The following QRFPR variants were observed in gnomAD, a reference collection of about 807,000 sequenced individuals.
QRFPR encodes the protein pyroglutamylated RF-amide peptide receptor.
QRFPR carries 37 observed loss-of-function variants against 31.3 expected under a neutral mutation model. That is an observed-to-expected ratio of 1.18 (90% CI 0.91 to 1.56). QRFPR has a LOEUF of 1.56. QRFPR is among the 40% of genes most tolerant of loss of function. The pLI, the probability that QRFPR is intolerant of heterozygous loss-of-function variation, is 0.00. For missense variants in QRFPR, 542 were observed against 532.5 expected, an observed-to-expected ratio of 1.02 and a Z score of -0.18; for synonymous variants, 197 against 192.0, an observed-to-expected ratio of 1.03 and a Z score of -0.22.
At chr4:121,348,748 C>A (rs17437630) in intron 1 of QRFPR, among the ~76,000 whole-genome samples, 27,421 of 152,106 alleles carry the variant, frequency 0.18, 2,773 homozygotes, top group Non-Finnish European at 0.24. Context: ...CTTTTAGCAT[C>A]CACTGTTGGT....
chr4:121,330,389 T>A, intron 5 of QRFPR, 37 bp downstream of exon 5: 5 of 1,378,008 alleles, frequency 3.6e-6, no homozygotes, highest in Non-Finnish European at 5.2e-6. Flanking sequence ...AGGAAATGAA[T>A]GAGAATGTCT....
rs1726159142 is a variant in QRFPR, at chr4:121,367,984, G to A, written c.340+12324C>T. Among the ~76,000 whole-genome samples the A allele has an allele frequency of 1.3e-5, 2 of 148,920 alleles. 1 individual carries two copies. The highest frequency in any genetic ancestry group is 4.2e-4 in the South Asian group (2 of 4,718). On this transcript the variant is annotated intron_variant, in intron 1 of 5. Coordinates refer to ENST00000394427, the MANE Select transcript of QRFPR (RefSeq NM_198179.3). ...AATTCTTATAATTTTAGACTCCAGGGCCTCTCTATGGAAAGGCCAGCTTCT... is the reference window on the plus strand; with the variant it reads ...AATTCTTATAATTTTAGACTCCAGGACCTCTCTATGGAAAGGCCAGCTTCT...
chr4:121,380,453 C>T lies in QRFPR; in HGVS notation c.195G>A (p.Leu65=), dbSNP rs747398343. The T allele has an allele frequency of 2.5e-6, 4 of 1,614,194 alleles. No homozygotes were observed. The highest frequency in any genetic ancestry group is 1.6e-4 in the Middle Eastern group (1 of 6,062). The change falls in exon 1 of 6, where the codon CTG becomes CTA. Residue 65 remains leucine (L), a synonymous_variant. Coordinates refer to ENST00000394427, the MANE Select transcript of QRFPR (RefSeq NM_198179.3). ...TGCTGCGGGTCACCACGTAGAACAC[C>T]AGAGCATTGCCAAAGAGCGCCAGGG... The part of the protein sequence containing the change: ...IFALALFGNA[L]VFYVVTRSKA...
At chr4:121,358,767 T>C (rs1392978947) in intron 1 of QRFPR, among the ~76,000 whole-genome samples, 2 of 152,228 alleles carry the variant, frequency 1.3e-5, no homozygotes, top group Non-Finnish European at 2.9e-5. Context: ...GAAATGTCCT[T>C]GATCATGGCT....
At chr4:121,329,944 T>G (rs964066357) in intron 5 of QRFPR, among the ~76,000 whole-genome samples, 1 of 152,162 alleles carries the variant, frequency 6.6e-6, no homozygotes, top group African/African-American at 2.4e-5. Flanking sequence ...CAGCATATAG[T>G]AGGGGGCTTA....
At chr4:121,331,184 T>G (rs1310445885) in intron 4 of QRFPR, among the ~76,000 whole-genome samples, 5 of 137,388 alleles carry the variant, frequency 3.6e-5, no homozygotes, top group South Asian at 2.5e-4. Context: ...GGTTTTTTTT[T>G]TTTTTTTTTT....
intron 1 of QRFPR, among the ~76,000 whole-genome samples, chr4:121,378,915 G>A (rs1331832089): frequency 1.3e-5 from 2 of 152,142 alleles, no homozygotes; most frequent in African/African-American, 2.4e-5. Context: ...GCACAAAGAA[G>A]CCTCATAAAT....
rs561293646 is a variant in QRFPR, at chr4:121,369,579, G to A, written c.340+10729C>T. On this transcript the variant is annotated intron_variant, in intron 1 of 5. Transcript: ENST00000394427. ...TCAGCCATTCGGTTGGCCTGGGCAC[G>A]GATCAGTTCCATTGGAGAGGGCTTC... 29 of 1,611,134 alleles carry A rather than the reference G, an allele frequency of 1.8e-5. No individual in the cohort carries two copies. In the East Asian group the frequency reaches 3.6e-4, roughly 20 times the overall value.
chr4:121,354,061 G>T (rs1293228394), intron 1 of QRFPR, among the ~76,000 whole-genome samples: 1 of 151,970 alleles, frequency 6.6e-6, no homozygotes, highest in East Asian at 1.9e-4. Context: ...AGTTCAATTG[G>T]TCTATGTGTC....
At chr4:121,362,900 A>C (rs796620136) in intron 1 of QRFPR, among the ~76,000 whole-genome samples, 6 of 150,576 alleles carry the variant, frequency 4.0e-5, no homozygotes, top group African/African-American at 1.5e-4. Flanking sequence ...TATTGAAATA[A>C]ACTTGTAAAT....
chr4:121,369,560 A>G (rs576821454), intron 1 of QRFPR: 2 of 1,609,818 alleles, frequency 1.2e-6, no homozygotes, highest in South Asian at 2.2e-5. Flanking sequence ...ATCTTCAGCC[A>G]TTCGGTTGGC....
At chr4:121,377,232 G>A (rs921316377) in intron 1 of QRFPR, among the ~76,000 whole-genome samples, 3 of 152,144 alleles carry the variant, frequency 2.0e-5, no homozygotes, top group African/African-American at 7.2e-5. Flanking sequence ...AAGAAGATGT[G>A]ACAATCCTGG....
chr4:121,334,943 G>A (rs1486320338), intron 3 of QRFPR, among the ~76,000 whole-genome samples: 1 of 152,118 alleles, frequency 6.6e-6, no homozygotes, highest in African/African-American at 2.4e-5. Context: ...GTGAAGATCT[G>A]AAATTTTCCA....
intron 1 of QRFPR, among the ~76,000 whole-genome samples, chr4:121,354,403 G>T (rs1441584170): frequency 6.6e-6 from 1 of 151,758 alleles, no homozygotes; most frequent in South Asian, 2.1e-4. Context: ...ACTTTTTATA[G>T]TTTTCATTGT....
intron 1 of QRFPR, among the ~76,000 whole-genome samples, chr4:121,348,573 A>C (rs888956438): frequency 6.6e-6 from 1 of 151,716 alleles, no homozygotes; most frequent in African/African-American, 2.4e-5. Flanking sequence ...ATGGCTTCTC[A>C]TTTCTTGTAT....
chr4:121,338,718 A>G (rs1169067320), intron 2 of QRFPR, among the ~76,000 whole-genome samples: 1 of 152,336 alleles, frequency 6.6e-6, no homozygotes, highest in South Asian at 2.1e-4. Flanking sequence ...ACAAAGCTAC[A>G]GGAGACATTA....
At chr4:121,364,689 A>T (rs938604208) in intron 1 of QRFPR, among the ~76,000 whole-genome samples, 1 of 149,392 alleles carries the variant, frequency 6.7e-6, no homozygotes, top group Non-Finnish European at 1.5e-5. Context: ...TGAAATATGT[A>T]ATTAAAGATT....
At chr4:121,353,675 T>C (rs1001392421) in intron 1 of QRFPR, among the ~76,000 whole-genome samples, 5 of 152,150 alleles carry the variant, frequency 3.3e-5, no homozygotes, top group African/African-American at 1.2e-4. Context: ...GTTTTCACTT[T>C]GTTGACCGTT....
chr4:121,340,653 G>A, intron 1 of QRFPR, 43 bp from the exon 2 acceptor site: 1 of 1,573,100 alleles, frequency 6.4e-7, no homozygotes, highest in Non-Finnish European at 8.7e-7. Flanking sequence ...AAAACAAAAA[G>A]AATAAAGGTT....
Sources: gnomAD v4.1 joint callset for allele counts (sites outside exome capture counted in the v4.1 genomes callset) on GRCh38, gnomAD v4.1.1 for gene constraint, MANE v1.5 for transcripts, NCBI Gene and HGNC (gene_info 2026-07-23, HGNC 2026-07-21) for gene names.